Variants in FETUB observed in about 807,000 individuals in gnomAD.
FETUB encodes the protein fetuin-B.
In FETUB, 28 loss-of-function variants were observed where a neutral mutation model predicts 30.9. The observed-to-expected ratio is 0.90, with a 90% confidence interval of 0.67 to 1.24. FETUB has a LOEUF of 1.24. Among genes scored for constraint, FETUB ranks in the 50% most tolerant of loss-of-function variants. The probability of loss-of-function intolerance (pLI) is 0.00; values close to 1 mark genes in which losing one functional copy is unlikely to be tolerated. For missense variants in FETUB, 469 were observed against 455.3 expected (o/e 1.03, Z -0.27); for synonymous variants, 186 against 175.9 (o/e 1.06, Z -0.45).
intron 4 of FETUB, among the ~76,000 whole-genome samples, 191 bp from the exon 5 acceptor site, chr3:186,646,057 A>AT (rs771545244): frequency 5.3e-4 from 81 of 152,196 alleles, no homozygotes; most frequent in Non-Finnish European, 1.1e-3. Context: ...AAGGTGTGAG[A>AT]TTATGTTTTC....
rs200873809 is a variant in FETUB at position 186,640,423 on chromosome 3, C to G, written c.-38C>G. 80 of 1,549,360 alleles carry G rather than the reference C, an allele frequency of 5.2e-5. No homozygotes were observed. In the African/African-American group the frequency reaches 1.0e-3, roughly 20 times the overall value. ...TACAAGCCAGCCAGTCCCTGCAGCT[C>G]CACAAACTGACCCATCCTGGGCCTT... On this transcript the variant is annotated 5_prime_UTR_variant, in exon 1 of 7. Coordinates refer to ENST00000265029, the MANE Select transcript of FETUB (RefSeq NM_014375.3).
intron 5 of FETUB, 32 bp downstream of exon 5, chr3:186,646,381 G>A: frequency 6.9e-7 from 1 of 1,458,142 alleles, no homozygotes; most frequent in Non-Finnish European, 9.6e-7. Context: ...CATAATTTGA[G>A]TGTTCACAGA....
At chr3:186,650,079 G>A (rs564900804) in intron 5 of FETUB, among the ~76,000 whole-genome samples, 23 of 138,312 alleles carry the variant, frequency 1.7e-4, no homozygotes, top group Admixed American at 1.1e-3. Flanking sequence ...ACACAACATC[G>A]GCTTCACATA....
intron 5 of FETUB, among the ~76,000 whole-genome samples, chr3:186,650,158 T>G (rs1379796459): frequency 2.1e-5 from 1 of 48,220 alleles, no homozygotes; most frequent in Non-Finnish European, 3.8e-5. Flanking sequence ...GTAGTTTCTT[T>G]GTTGGCGGGG....
upstream of FETUB, among the ~76,000 whole-genome samples, chr3:186,637,814 T>C (rs979469221): frequency 4.6e-5 from 7 of 152,236 alleles, 1 homozygote; most frequent in Admixed American, 1.3e-4. Context: ...TAAGCACCTT[T>C]GCATACTTCC....
intron 5 of FETUB, 62 bp from the exon 6 acceptor site, chr3:186,651,156 C>A: frequency 9.3e-7 from 1 of 1,076,556 alleles, no homozygotes; most frequent in Non-Finnish European, 1.4e-6. Context: ...AAGTAGAAAG[C>A]TAGTTGATTT....
rs1369717678 is a variant in FETUB at position 186,640,640 on chromosome 3, T to C, written c.180T>C (p.Tyr60=). ...RDINKDRKDG[Y]VLRLNRVNDA... ...TTAACAAAGACAGAAAGGATGGCTATGTGCTGAGACTCAACCGAGTGAACG... is the reference window on the plus strand; with the variant it reads ...TTAACAAAGACAGAAAGGATGGCTACGTGCTGAGACTCAACCGAGTGAACG... Residue 60 remains tyrosine (Y), a synonymous_variant, in exon 1 of 7, where the codon TAT becomes TAC. Coordinates refer to ENST00000265029, the MANE Select transcript of FETUB (RefSeq NM_014375.3). The C allele has an allele frequency of 1.2e-6, 2 of 1,614,138 alleles. No individual in the cohort carries two copies. Among genetic ancestry groups the C allele is most frequent in the East Asian group, 2.2e-5 (1 of 44,878 alleles).
chr3:186,639,674 A>AAG (rs1716894991), upstream of FETUB, among the ~76,000 whole-genome samples: 1 of 150,166 alleles, frequency 6.7e-6, no homozygotes, highest in African/African-American at 2.5e-5. Flanking sequence ...AAAAAAAAAA[A>AAG]GAAGGCAAGA....
Position 186,652,708 on chromosome 3 carries a change from G to C in FETUB, c.*77G>C. 1 of 1,499,118 alleles carries C rather than the reference G, an allele frequency of 6.7e-7. No homozygotes were observed. Among genetic ancestry groups the C allele is most frequent in the Non-Finnish European group, 8.9e-7 (1 of 1,127,438 alleles). 92.9% of individuals were successfully genotyped at this position (1,499,118 alleles called of 1,614,324 possible). On this transcript the variant is annotated 3_prime_UTR_variant, in exon 7 of 7. Coordinates refer to ENST00000265029, the MANE Select transcript of FETUB (RefSeq NM_014375.3). ...GCGATGGGGACGATGGACAGAGACA[G>C]AGCGTGCACACGTAGAGTGGCTAGT... is the stretch of plus-strand genomic sequence containing the variant.
At chr3:186,638,437 T>C (rs951859027), upstream of FETUB, among the ~76,000 whole-genome samples, 1 of 152,198 alleles carries the variant, frequency 6.6e-6, no homozygotes, top group African/African-American at 2.4e-5. Flanking sequence ...AACAAAATGC[T>C]GTGTGGCACA....
upstream of FETUB, among the ~76,000 whole-genome samples, chr3:186,640,124 T>C (rs1716917497): frequency 6.6e-6 from 1 of 152,190 alleles, no homozygotes; most frequent in South Asian, 2.1e-4. Context: ...AATGGGACAG[T>C]CCTCCATATT....
chr3:186,646,235 T>C lies in FETUB; in HGVS notation c.595-13T>C. On this transcript the variant is annotated splice_polypyrimidine_tract_variant and intron_variant, in intron 4 of 6. Transcript: ENST00000265029. ...TGTTTGATTTTTATGTCTCAACTCT[T>C]GTCTCATAACAGTGGGTGGTCGGCC... is the stretch of plus-strand genomic sequence containing the variant. 6.3e-7 allele frequency: 1 copy of C among 1,590,792 alleles called. No individual in the cohort carries two copies. The highest frequency in any genetic ancestry group is 8.6e-7 in the Non-Finnish European group (1 of 1,159,496).
At chr3:186,637,318 C>T (rs1433261060), upstream of FETUB, among the ~76,000 whole-genome samples, 1 of 152,150 alleles carries the variant, frequency 6.6e-6, no homozygotes, top group Non-Finnish European at 1.5e-5. Context: ...CTGTAGAGAC[C>T]ATCATGTACC....
chr3:186,643,510 C>T (rs953960576), intron 3 of FETUB, among the ~76,000 whole-genome samples: 1 of 152,152 alleles, frequency 6.6e-6, no homozygotes, highest in Admixed American at 6.5e-5. Context: ...CTCTAATAAG[C>T]TCCAGGAGAT....
upstream of FETUB, among the ~76,000 whole-genome samples, chr3:186,639,451 G>A (rs1208756303): frequency 6.6e-6 from 1 of 152,026 alleles, no homozygotes; most frequent in Admixed American, 6.6e-5. Context: ...AGAGTTAGGG[G>A]GTGGTTACTC....
intron 5 of FETUB, among the ~76,000 whole-genome samples, chr3:186,648,042 G>A (rs561319047): frequency 3.3e-5 from 5 of 150,634 alleles, no homozygotes; most frequent in Non-Finnish European, 7.4e-5. Context: ...TTACTACAAA[G>A]GTACAGTACT....
At chr3:186,637,996 G>A (rs1195146246), upstream of FETUB, among the ~76,000 whole-genome samples, 1 of 152,222 alleles carries the variant, frequency 6.6e-6, no homozygotes, top group Non-Finnish European at 1.5e-5. Context: ...GTATGCCATA[G>A]TGTGAAACAA....
upstream of FETUB, among the ~76,000 whole-genome samples, chr3:186,637,054 C>A (rs908314261): frequency 6.6e-6 from 1 of 152,172 alleles, no homozygotes; most frequent in African/African-American, 2.4e-5. Context: ...GCAATGTAAC[C>A]TTTCTGTTCC....
intron 5 of FETUB, among the ~76,000 whole-genome samples, chr3:186,649,064 G>T (rs1263041437): frequency 6.6e-6 from 1 of 152,174 alleles, no homozygotes; most frequent in Non-Finnish European, 1.5e-5. Context: ...CGCCAGGTAG[G>T]CCTATGAACT....
Sources: gnomAD v4.1 joint callset for allele counts (sites outside exome capture counted in the v4.1 genomes callset) on GRCh38, gnomAD v4.1.1 for gene constraint, MANE v1.5 for transcripts, NCBI Gene and HGNC (gene_info 2026-07-23, HGNC 2026-07-21) for gene names.